The following DENND1A variants were observed in gnomAD, a reference collection of about 807,000 sequenced individuals.
The protein encoded by DENND1A is DENN domain-containing protein 1A.
Under a neutral mutation model 113.7 loss-of-function variants are expected in DENND1A, and 51 were observed. That is an observed-to-expected ratio of 0.45 (90% confidence interval 0.36 to 0.57). The LOEUF (loss-of-function observed/expected upper bound fraction) is 0.57, where lower values mean the gene tolerates loss of function less well. Ranked by LOEUF, DENND1A falls within the 20% of genes least tolerant of loss-of-function variation. DENND1A has a pLI of 0.00. For missense variants in DENND1A, 1,258 were observed against 1,395.9 expected, an observed-to-expected ratio of 0.90 and a Z score of 1.57; for synonymous variants, 565 against 570.8, an observed-to-expected ratio of 0.99 and a Z score of 0.14.
intron 12 of DENND1A, among the ~76,000 whole-genome samples, chr9:123,559,379 C>A (rs2057609819): frequency 6.6e-6 from 1 of 152,184 alleles, no homozygotes; most frequent in African/African-American, 2.4e-5. Context: ...ACTGGTATGA[C>A]ATCATTTAAA....
chr9:123,526,595 A>G (rs2135220196), intron 13 of DENND1A, among the ~76,000 whole-genome samples: 1 of 152,262 alleles, frequency 6.6e-6, no homozygotes, highest in African/African-American at 2.4e-5. Flanking sequence ...AACTGGTCTC[A>G]CCCAAGATCC....
intron 2 of DENND1A, among the ~76,000 whole-genome samples, chr9:123,853,583 G>C (rs1478436668): frequency 6.6e-6 from 1 of 152,114 alleles, no homozygotes; most frequent in African/African-American, 2.4e-5. Context: ...AGAATCACTT[G>C]AACCTGGGAG....
intron 3 of DENND1A, among the ~76,000 whole-genome samples, chr9:123,774,518 T>C (rs1815964779): frequency 1.3e-5 from 2 of 152,120 alleles, no homozygotes; most frequent in Admixed American, 1.3e-4. Flanking sequence ...TCAAATTAAA[T>C]CTAAGATCCA....
intron 19 of DENND1A, among the ~76,000 whole-genome samples, chr9:123,423,993 G>A (rs1463666187): frequency 6.6e-6 from 1 of 152,202 alleles, no homozygotes; most frequent in Non-Finnish European, 1.5e-5. Context: ...AACCTGGAGG[G>A]AAGGAGCCAT....
chr9:123,674,282 G>A (rs903036137), intron 6 of DENND1A, among the ~76,000 whole-genome samples: 1 of 149,660 alleles, frequency 6.7e-6, no homozygotes, highest in Non-Finnish European at 1.5e-5. Context: ...CTCACACCTT[G>A]GTCTCCCACA....
In DENND1A at chr9:123,454,309, T is replaced by C. The variant is rs147826731; in HGVS notation, c.1227+430A>G. Among the ~76,000 whole-genome samples the C allele has an allele frequency of 4.2e-3, 643 of 152,284 alleles. 6 individuals are homozygous for C. Among genetic ancestry groups the C allele is most frequent in the African/African-American group, 0.015 (605 of 41,554 alleles). ...CCCTATGCCCCTGGCTCCTGACACA[T>C]CAAGACACCTCACAACAACAGTCAA... On this transcript the variant is annotated intron_variant, in intron 16 of 23. Transcript: ENST00000394215.
chr9:123,525,255 G>C (rs933111758), intron 13 of DENND1A, among the ~76,000 whole-genome samples: 3 of 152,224 alleles, frequency 2.0e-5, no homozygotes, highest in South Asian at 2.1e-4. Context: ...GCCCTCTTCA[G>C]AGAGAAAGTT....
At position 123,845,670 on chromosome 9, in the gene DENND1A, CAAAAAAAAAAAA is replaced by C. The variant is rs555731367; in HGVS notation, c.88+33269_88+33280del. Among the ~76,000 whole-genome samples, 32 of 44,094 alleles carry C rather than the reference CAAAAAAAAAAAA, an allele frequency of 7.3e-4. No individual in the cohort carries two copies. In the East Asian group the frequency reaches 0.016, roughly 22 times the overall value. 28.9% of individuals were successfully genotyped at this position (44,094 alleles called of 152,430 possible). On this transcript the variant is annotated intron_variant, in intron 2 of 23. Transcript: ENST00000394215. ...GGGTGACCAAGTGAGAACCTGTCTCCAAAAAAAAAAAAAAAAAAAAAAAAAGAGGAATAAAAA... is the reference window on the plus strand; with the variant it reads ...GGGTGACCAAGTGAGAACCTGTCTCCAAAAAAAAAAAAAGAGGAATAAAAA...
At chr9:123,720,959 T>A (rs1564134499) in intron 5 of DENND1A, among the ~76,000 whole-genome samples, 1 of 152,256 alleles carries the variant, frequency 6.6e-6, no homozygotes, top group Admixed American at 6.5e-5. Flanking sequence ...GAATTAGGTA[T>A]GAAAAGCAGA....
intron 5 of DENND1A, among the ~76,000 whole-genome samples, chr9:123,706,623 T>G (rs1019665117): frequency 6.6e-6 from 1 of 151,188 alleles, no homozygotes; most frequent in African/African-American, 2.4e-5. Context: ...TACAAAAAAT[T>G]AGCCAGGCGT....
chr9:123,709,597 AGCTTGCTACTGCCTT>A (rs1276165863), intron 5 of DENND1A, among the ~76,000 whole-genome samples: 5 of 152,016 alleles, frequency 3.3e-5, no homozygotes, highest in Non-Finnish European at 7.4e-5. Context: ...CCTGCATCCT[AGCTTGCTACTGCCTT>A]GCTATATGGC....
At chr9:123,702,263 T>TAAAAAAGG (rs1324311996) in intron 5 of DENND1A, among the ~76,000 whole-genome samples, 5 of 149,878 alleles carry the variant, frequency 3.3e-5, no homozygotes, top group African/African-American at 1.2e-4. Flanking sequence ...AATCAGAGGA[T>TAAAAAAGG]AAAAAAGGAA....
chr9:123,583,254 G>A lies in DENND1A; in HGVS notation c.782C>T (p.Ala261Val). 6.2e-7 allele frequency: 1 copy of A among 1,611,538 alleles called. No individual in the cohort carries two copies. The highest frequency in any genetic ancestry group is 8.5e-7 in the Non-Finnish European group (1 of 1,178,762). ...LSLMEKVRNM[A>V]LDDVVILNVD... ...ATTCAGGATCACGACATCATCCAGG[G>A]CCATGTTTCTGACTTTCTGCAAGGA... is the stretch of plus-strand genomic sequence containing the variant. Residue 261 changes from alanine (A) to valine (V), a missense_variant, in exon 12 of 24, where the codon GCC (alanine) becomes GTC (valine). Ala to Val is a moderately conservative substitution (Grantham distance 64, BLOSUM62 0). This residue lies in a region of DENND1A where 1,159 missense variants were observed against 1,231.7 expected (regional missense o/e 0.94). Coordinates refer to ENST00000394215, the MANE Select transcript of DENND1A (RefSeq NM_001352964.2).
chr9:123,578,194 C>A (rs2058718708), intron 12 of DENND1A, among the ~76,000 whole-genome samples: 2 of 152,212 alleles, frequency 1.3e-5, no homozygotes, highest in African/African-American at 4.8e-5. Context: ...TCTTTCAGCT[C>A]CCCAAGACTG....
chr9:123,718,968 C>G (rs942951737), intron 5 of DENND1A, among the ~76,000 whole-genome samples: 3 of 152,232 alleles, frequency 2.0e-5, no homozygotes, highest in Non-Finnish European at 2.9e-5. Context: ...CCATACTGTT[C>G]TCGTGGTAGT....
chr9:123,493,635 A>C (rs1462958053), intron 13 of DENND1A, among the ~76,000 whole-genome samples: 1 of 152,192 alleles, frequency 6.6e-6, no homozygotes, highest in African/African-American at 2.4e-5. Flanking sequence ...GTGGTGAAGA[A>C]TCTCTAGTCC....
rs548604359 is a variant in DENND1A, at chr9:123,555,021, G to T, written c.993+2549C>A. On this transcript the variant is annotated intron_variant, in intron 13 of 23. Coordinates refer to ENST00000394215, the MANE Select transcript of DENND1A (RefSeq NM_001352964.2). ...TTTTACCATTAGAAATGCTGCTACT[G>T]TGAACACCTTGGCATTAAGCATTTC... 5.3e-5 allele frequency among the ~76,000 whole-genome samples: 8 copies of T among 152,288 alleles called. No homozygotes were observed. In the East Asian group the frequency reaches 1.2e-3, roughly 22 times the overall value.
intron 5 of DENND1A, among the ~76,000 whole-genome samples, chr9:123,688,575 G>A (rs577512448): frequency 6.6e-6 from 1 of 152,152 alleles, no homozygotes; most frequent in Non-Finnish European, 1.5e-5. Flanking sequence ...TAATGGTTGG[G>A]CCGCCCTGAA....
intron 10 of DENND1A, among the ~76,000 whole-genome samples, chr9:123,614,190 T>C (rs1296020408): frequency 6.6e-6 from 1 of 152,164 alleles, no homozygotes; most frequent in Non-Finnish European, 1.5e-5. Context: ...AGCTGGTCAG[T>C]GGTGAAGCCG....
Sources: gnomAD v4.1 joint callset for allele counts (sites outside exome capture counted in the v4.1 genomes callset) on GRCh38, gnomAD v4.1.1 for gene constraint, gnomAD v4.1.1 regional missense constraint, MANE v1.5 for transcripts, NCBI Gene and HGNC (gene_info 2026-07-23, HGNC 2026-07-21) for gene names.